The following CAMTA1 variants were observed in gnomAD, a reference collection of about 807,000 sequenced individuals.
CAMTA1 encodes the protein calmodulin-binding transcription activator 1.
Under a neutral mutation model 170.9 loss-of-function variants are expected in CAMTA1, and 27 were observed. That is an observed-to-expected ratio of 0.16 (90% CI 0.12 to 0.22). CAMTA1 has a LOEUF of 0.22. Among genes scored for constraint, CAMTA1 ranks in the 10% least tolerant of loss-of-function variants. The probability of loss-of-function intolerance (pLI) is 1.00; values close to 1 mark genes in which losing one functional copy is unlikely to be tolerated. For missense variants in CAMTA1, 1,619 were observed against 2,217.2 expected, an observed-to-expected ratio of 0.73 and a Z score of 5.42; for synonymous variants, 833 against 891.5, an observed-to-expected ratio of 0.93 and a Z score of 1.17.
chr1:7,357,998 G>A (rs1398359130), intron 5 of CAMTA1, among the ~76,000 whole-genome samples: 1 of 152,208 alleles, frequency 6.6e-6, no homozygotes, highest in East Asian at 1.9e-4. Flanking sequence ...TATGCTAAAG[G>A]GCTGCTTGTG....
intron 11 of CAMTA1, among the ~76,000 whole-genome samples, chr1:7,700,103 C>T (rs1459818752): frequency 6.6e-6 from 1 of 151,838 alleles, no homozygotes; most frequent in Non-Finnish European, 1.5e-5. Context: ...ATCGCCAAAT[C>T]CAAGGTCATG....
At chr1:6,871,712 C>T in intron 3 of CAMTA1, 1 of 1,486,842 alleles carries the variant, frequency 6.7e-7, no homozygotes, top group Non-Finnish European at 9.0e-7. Context: ...ATTTTAAATT[C>T]TCAGAGATAC....
intron 4 of CAMTA1, among the ~76,000 whole-genome samples, chr1:7,132,908 C>A (rs947265614): frequency 7.2e-5 from 11 of 152,022 alleles, no homozygotes; most frequent in African/African-American, 2.7e-4. Context: ...GGGTAAATTA[C>A]CTTAATTGAT....
At chr1:7,596,357 A>C (rs992611922) in intron 6 of CAMTA1, among the ~76,000 whole-genome samples, 1 of 152,252 alleles carries the variant, frequency 6.6e-6, no homozygotes. Flanking sequence ...CTTGGGAACA[A>C]GGGATCAGCT....
intron 3 of CAMTA1, among the ~76,000 whole-genome samples, chr1:6,976,536 G>T (rs1693458983): frequency 6.6e-6 from 1 of 152,180 alleles, no homozygotes; most frequent in African/African-American, 2.4e-5. Context: ...CTTTCAGAGA[G>T]AGCAGATCCA....
At chr1:6,911,811 G>T (rs775038965) in intron 3 of CAMTA1, among the ~76,000 whole-genome samples, 6 of 152,150 alleles carry the variant, frequency 3.9e-5, no homozygotes, top group African/African-American at 1.4e-4. Context: ...GTGTTTCCTC[G>T]CTTGCTGTCT....
intron 12 of CAMTA1, among the ~76,000 whole-genome samples, chr1:7,733,641 G>A (rs964013780): frequency 1.3e-5 from 2 of 151,138 alleles, no homozygotes; most frequent in African/African-American, 4.9e-5. Context: ...GGAACTGATG[G>A]TATTTCTTAT....
intron 4 of CAMTA1, among the ~76,000 whole-genome samples, chr1:7,213,321 A>G (rs1659123393): frequency 6.6e-6 from 1 of 152,176 alleles, no homozygotes; most frequent in Non-Finnish European, 1.5e-5. Flanking sequence ...GTGTAATGTT[A>G]TCTAATCGTG....
chr1:7,646,258 T>G (rs2095803058), intron 7 of CAMTA1, among the ~76,000 whole-genome samples: 1 of 101,642 alleles, frequency 9.8e-6, no homozygotes. Flanking sequence ...CCTGGTGAGT[T>G]GGATGGAGGC....
At chr1:6,843,899 A>G (rs1283637265) in intron 3 of CAMTA1, among the ~76,000 whole-genome samples, 1 of 152,240 alleles carries the variant, frequency 6.6e-6, no homozygotes, top group Non-Finnish European at 1.5e-5. Context: ...GGTGTCAGCA[A>G]GAAACAGAGC....
chr1:6,926,295 T>TTCCTCTCCTC (rs202206246), intron 3 of CAMTA1, among the ~76,000 whole-genome samples: 43 of 150,434 alleles, frequency 2.9e-4, no homozygotes, highest in African/African-American at 1.0e-3. Context: ...CTACCTTCCT[T>TTCCTCTCCTC]TCCTCTCCTC....
intron 5 of CAMTA1, among the ~76,000 whole-genome samples, chr1:7,459,793 G>C (rs1202796793): frequency 6.6e-6 from 1 of 152,226 alleles, no homozygotes; most frequent in African/African-American, 2.4e-5. Flanking sequence ...CCGGAAGAAG[G>C]GGACTCTGGC....
At chr1:7,420,854 C>A (rs946914218) in intron 5 of CAMTA1, among the ~76,000 whole-genome samples, 1 of 152,168 alleles carries the variant, frequency 6.6e-6, no homozygotes, top group Non-Finnish European at 1.5e-5. Flanking sequence ...CTGAGGGGCA[C>A]GTTCCCAGCC....
rs112211125 is a variant in CAMTA1, at chr1:7,607,789, G to A, written c.511-32611G>A. ...CTGTCACATCTTAAAGAGTGGAGTC[G>A]TATCTTCTGTGGATCCAGAAAACAA... On this transcript the variant is annotated intron_variant, in intron 6 of 22. Coordinates refer to ENST00000303635, the MANE Select transcript of CAMTA1 (RefSeq NM_015215.4). 2.0e-3 allele frequency among the ~76,000 whole-genome samples: 304 copies of A among 152,266 alleles called. 1 individual carries two copies. Among genetic ancestry groups the A allele is most frequent in the Non-Finnish European group, 3.1e-3 (213 of 68,020 alleles).
intron 3 of CAMTA1, among the ~76,000 whole-genome samples, chr1:6,827,302 A>G (rs1647355062): frequency 6.6e-6 from 1 of 152,154 alleles, no homozygotes; most frequent in South Asian, 2.1e-4. Context: ...GCCATGCAGC[A>G]CCCTTTCCCT....
chr1:7,670,889 T>C (rs2096055136), intron 9 of CAMTA1, 22 bp from the exon 10 acceptor site: 1 of 1,612,546 alleles, frequency 6.2e-7, no homozygotes, highest in African/African-American at 1.3e-5. Flanking sequence ...TCCAACTCTG[T>C]TCCCCTCTCT....
chr1:7,681,529 C>T lies in CAMTA1; in HGVS notation c.2914+3796C>T, dbSNP rs1354456655. On this transcript the variant is annotated intron_variant, in intron 11 of 22. Coordinates refer to ENST00000303635, the MANE Select transcript of CAMTA1 (RefSeq NM_015215.4). This position sits in a 1 kb window ranked among gnomAD's most constrained non-coding sequence, Gnocchi z 4.6. ...AAATTTCCTCTGTCCTGACCTGACC[C>T]CAGGCCATTTGCACAGGACCCCAGG... 6.6e-6 allele frequency among the ~76,000 whole-genome samples: 1 copy of T among 152,200 alleles called. No individual in the cohort carries two copies. Among genetic ancestry groups the T allele is most frequent in the Non-Finnish European group, 1.5e-5 (1 of 68,034 alleles).
chr1:7,615,615 T>G (rs572157536), intron 6 of CAMTA1, among the ~76,000 whole-genome samples: 12 of 152,370 alleles, frequency 7.9e-5, no homozygotes, highest in African/African-American at 2.6e-4. Flanking sequence ...AGATTCTCTC[T>G]TTTTGCTTTG....
At chr1:7,630,765 C>G (rs2095663725) in intron 6 of CAMTA1, among the ~76,000 whole-genome samples, 2 of 152,214 alleles carry the variant, frequency 1.3e-5, no homozygotes, top group Admixed American at 6.5e-5. Context: ...TGCCAGCCAT[C>G]GCTCAGAATC....
Sources: gnomAD v4.1 joint callset for allele counts (sites outside exome capture counted in the v4.1 genomes callset) on GRCh38, gnomAD v4.1.1 for gene constraint, Gnocchi (gnomAD v3.1) non-coding constraint, MANE v1.5 for transcripts, NCBI Gene and HGNC (gene_info 2026-07-23, HGNC 2026-07-21) for gene names.